Variants in POLB observed in about 807,000 individuals in gnomAD.
The protein encoded by POLB is 5'-dRP lyase.
In POLB, 37 loss-of-function variants were observed where a neutral mutation model predicts 52.7. That is an observed-to-expected ratio of 0.70 (90% CI 0.54 to 0.92). POLB has a LOEUF of 0.92. Ranked by LOEUF, POLB falls within the 40% of genes least tolerant of loss-of-function variation. POLB has a pLI of 0.00. For missense variants in POLB, 313 were observed against 400.8 expected, an observed-to-expected ratio of 0.78 and a Z score of 1.87; for synonymous variants, 138 against 131.3, an observed-to-expected ratio of 1.05 and a Z score of -0.35.
chr8:42,357,734 T>C (rs965843151), intron 9 of POLB: 77 of 183,872 alleles, frequency 4.2e-4, no homozygotes, highest in East Asian at 1.2e-3. Context: ...TTTCCTTTTT[T>C]TTTTTTTTTT....
intron 4 of POLB, among the ~76,000 whole-genome samples, 164 bp from the exon 5 acceptor site, chr8:42,349,843 T>G (rs181256477): frequency 7.1e-4 from 108 of 152,346 alleles, no homozygotes; most frequent in Non-Finnish European, 1.4e-3. Flanking sequence ...ACTCTGTTAT[T>G]CACCTATTAC....
At position 42,357,370 on chromosome 8, in the gene POLB, A is replaced by G. The variant is rs2130823158; in HGVS notation, c.528A>G (p.Thr176=). 3 of 1,575,512 alleles carry G rather than the reference A, an allele frequency of 1.9e-6. No individual in the cohort carries two copies. The highest frequency in any genetic ancestry group is 2.6e-6 in the Non-Finnish European group (3 of 1,145,350). ...VKKVDSEYIA[T]VCGSFRRGAE... is the part of the protein sequence containing the mutation. ...AAGTGGATTCTGAATACATTGCTAC[A>G]GTCTGTGGCAGTTTCAGAAGAGGTA... Residue 176 remains threonine, a synonymous_variant, in exon 9 of 14, where the codon ACA becomes ACG. Coordinates refer to ENST00000265421, the MANE Select transcript of POLB (RefSeq NM_002690.3).
Position 42,338,594 on chromosome 8 carries a change from A to G in POLB, c.-31A>G, listed in dbSNP as rs765908494. 19 of 1,607,684 alleles carry G rather than the reference A, an allele frequency of 1.2e-5. No individual in the cohort carries two copies. Among genetic ancestry groups the G allele is most frequent in the Non-Finnish European group, 1.5e-5 (18 of 1,174,336 alleles). On this transcript the variant is annotated 5_prime_UTR_variant, in exon 1 of 14. Transcript: ENST00000265421. ...GAGAGGGCTCTAGTCCCTGGTTCTG[A>G]ACACTCTGGGGTTCTCGGGTGCAGG...
At chr8:42,371,107 G>GGA (rs2130866444) in intron 13 of POLB, among the ~76,000 whole-genome samples, 1 of 152,264 alleles carries the variant, frequency 6.6e-6, no homozygotes, top group African/African-American at 2.4e-5. Flanking sequence ...CAGCCTCCTG[G>GGA]GAGAGGATAG....
chr8:42,339,918 A>G (rs1366934981), intron 2 of POLB: 3 of 151,872 alleles, frequency 2.0e-5, no homozygotes, highest in Non-Finnish European at 2.9e-5. Flanking sequence ...TAAAAGCAAA[A>G]CCAAAACAAT....
chr8:42,356,657 G>C (rs3136758), intron 7 of POLB, among the ~76,000 whole-genome samples: 1 of 150,742 alleles, frequency 6.6e-6, no homozygotes, highest in African/African-American at 2.4e-5. Context: ...CTGTCTCTAC[G>C]GATTTGCCTA....
chr8:42,352,130 TGTTTATGTAACTAACTA>T (rs1823008359), intron 5 of POLB, among the ~76,000 whole-genome samples: 1 of 152,248 alleles, frequency 6.6e-6, no homozygotes, highest in Admixed American at 6.5e-5. Flanking sequence ...GATTTTTTCT[TGTTTATGTAACTAACTA>T]TTGTCTCTAT....
At chr8:42,367,242 CATAATAA>C (rs1824096740) in intron 11 of POLB, among the ~76,000 whole-genome samples, 1 of 152,094 alleles carries the variant, frequency 6.6e-6, no homozygotes, top group South Asian at 2.1e-4. Context: ...TAACAATGAA[CATAATAA>C]ATATGTGAAT....
intron 11 of POLB, among the ~76,000 whole-genome samples, chr8:42,366,763 A>G (rs934034400): frequency 6.6e-6 from 1 of 152,234 alleles, no homozygotes; most frequent in Non-Finnish European, 1.5e-5. Flanking sequence ...ATTTACTTCT[A>G]AAAGGCCTGA....
chr8:42,362,201 A>G (rs1193199654), intron 10 of POLB, among the ~76,000 whole-genome samples: 1 of 152,106 alleles, frequency 6.6e-6, no homozygotes, highest in African/African-American at 2.4e-5. Flanking sequence ...CAAAGGTTGC[A>G]GTGAGCCGAG....
chr8:42,352,500 A>G lies in POLB; in HGVS notation c.321-19A>G. Reference sequence around the variant, plus strand: ...CCCAAGTTTCACCCAATGTTGAGATAATGCTTTTGTTTTTGTAGTCCATCT... The same window carrying G: ...CCCAAGTTTCACCCAATGTTGAGATGATGCTTTTGTTTTTGTAGTCCATCT... On this transcript the variant is annotated intron_variant, in intron 5 of 13. Transcript: ENST00000265421. 6.4e-7 allele frequency: 1 copy of G among 1,555,136 alleles called. No homozygotes were observed.
chr8:42,345,355 C>G (rs1822545757), intron 3 of POLB, among the ~76,000 whole-genome samples: 1 of 152,106 alleles, frequency 6.6e-6, no homozygotes, highest in Non-Finnish European at 1.5e-5. Flanking sequence ...TATCTGGTCC[C>G]ACCTATTTTT....
intron 2 of POLB, among the ~76,000 whole-genome samples, chr8:42,343,336 AAAAAAAAAAATAT>A (rs1377426302): frequency 6.4e-4 from 36 of 56,230 alleles, no homozygotes; most frequent in African/African-American, 1.3e-3. Flanking sequence ...AAAAAAAAAA[AAAAAAAAAAATAT>A]ATATATATAT....
intron 6 of POLB, among the ~76,000 whole-genome samples, chr8:42,355,173 G>T (rs1434485029): frequency 6.6e-6 from 1 of 151,872 alleles, no homozygotes; most frequent in Admixed American, 6.6e-5. Flanking sequence ...CAAGTAGCTG[G>T]GATTACAGGG....
At position 42,362,618 on chromosome 8, in the gene POLB, CTG is replaced by C; in HGVS notation, c.630_631del (p.Leu211ThrfsTer21). 2 of 1,600,206 alleles carry C rather than the reference CTG, an allele frequency of 1.2e-6. No individual in the cohort carries two copies. The highest frequency in any genetic ancestry group is 1.7e-6 in the Non-Finnish European group (2 of 1,167,838). ...CCTAATTATGATTCTACAGCCAAAACTGTTACATCAGGTTGTGGAGCAGTTAC... is the reference window on the plus strand; with the variant it reads ...CCTAATTATGATTCTACAGCCAAAACTTACATCAGGTTGTGGAGCAGTTAC... ...FTSESTKQPKLLHQVVEQLQK... is the reference protein window; with the variant it reads ...FTSESTKQPKXLHQVVEQLQK... On this transcript the variant is annotated frameshift_variant, in exon 11 of 14. Coordinates refer to ENST00000265421, the MANE Select transcript of POLB (RefSeq NM_002690.3). LOFTEE classifies it high-confidence loss of function.
At position 42,353,301 on chromosome 8, in the gene POLB, C is replaced by T. The variant is rs552845180; in HGVS notation, c.370+733C>T. On this transcript the variant is annotated intron_variant, in intron 6 of 13. Coordinates refer to ENST00000265421, the MANE Select transcript of POLB (RefSeq NM_002690.3). Reference sequence around the variant, plus strand: ...TTTTTTTTTGTATTTTTAATAGAGACGGGGTTTCACTGTGTTAGCCAGGAT... The same window carrying T: ...TTTTTTTTTGTATTTTTAATAGAGATGGGGTTTCACTGTGTTAGCCAGGAT... 2.1e-4 allele frequency among the ~76,000 whole-genome samples: 32 copies of T among 150,876 alleles called. No homozygotes were observed. The South Asian group carries it at 4.0e-3, about 19-fold the overall frequency.
chr8:42,364,019 C>G (rs1165509524), intron 11 of POLB, among the ~76,000 whole-genome samples: 1 of 151,554 alleles, frequency 6.6e-6, no homozygotes, highest in Admixed American at 6.6e-5. Context: ...CTCCACCTCC[C>G]GGGTTCAAGC....
At chr8:42,347,212 A>G (rs545935310) in intron 3 of POLB, among the ~76,000 whole-genome samples, 1 of 151,764 alleles carries the variant, frequency 6.6e-6, no homozygotes, top group South Asian at 2.1e-4. Context: ...TTTCACAATT[A>G]TTGAAGAATC....
intron 10 of POLB, among the ~76,000 whole-genome samples, chr8:42,362,175 G>T (rs907143686): frequency 2.6e-5 from 4 of 151,906 alleles, no homozygotes; most frequent in Admixed American, 2.0e-4. Flanking sequence ...CAGGAGAATC[G>T]CTTGAACCCA....
Sources: allele counts gnomAD v4.1 joint callset (sites outside exome capture counted in the v4.1 genomes callset), GRCh38; gene constraint gnomAD v4.1.1; transcripts MANE v1.5; gene names NCBI Gene and HGNC (gene_info 2026-07-23, HGNC 2026-07-21).